The following TTC21B variants were observed in gnomAD, a reference collection of about 807,000 sequenced individuals.
TTC21B encodes the protein tetratricopeptide repeat domain 21B.
Under a neutral mutation model 175.1 loss-of-function variants are expected in TTC21B, and 127 were observed. The ratio of observed to expected loss-of-function variants is 0.73; its 90% CI spans 0.63 to 0.84. The LOEUF (loss-of-function observed/expected upper bound fraction) is 0.84. TTC21B is among the 40% of genes least tolerant of loss of function. TTC21B has a pLI of 0.00. For synonymous variants in TTC21B, 524 were observed against 524.5 expected (o/e 1.00, Z 0.01); for missense variants, 1,561 against 1,558.3 (o/e 1.00, Z -0.03).
intron 19 of TTC21B, among the ~76,000 whole-genome samples, chr2:165,904,207 C>T (rs1162866817): frequency 6.6e-6 from 1 of 151,966 alleles, no homozygotes. Context: ...TTCCTTGTAG[C>T]TTCTGGTAAC....
intron 22 of TTC21B, among the ~76,000 whole-genome samples, chr2:165,897,355 G>C (rs960031686): frequency 4.6e-5 from 7 of 152,114 alleles, no homozygotes; most frequent in African/African-American, 1.7e-4. Context: ...TGGCATTCTA[G>C]GTATACTTTG....
At chr2:165,909,055 T>G (rs1685842185) in intron 18 of TTC21B, among the ~76,000 whole-genome samples, 1 of 152,054 alleles carries the variant, frequency 6.6e-6, no homozygotes, top group Non-Finnish European at 1.5e-5. Flanking sequence ...AAAGCTACAC[T>G]AAACATGTTG....
chr2:165,942,832 T>C (rs1299717326), intron 5 of TTC21B, among the ~76,000 whole-genome samples: 1 of 152,220 alleles, frequency 6.6e-6, no homozygotes, highest in African/African-American at 2.4e-5. Flanking sequence ...TATAACTTAC[T>C]TATTTTGTTT....
chr2:165,894,155 T>C lies in TTC21B; in HGVS notation c.2951-3167A>G, dbSNP rs113007986. 9.6e-3 allele frequency among the ~76,000 whole-genome samples: 1,464 copies of C among 152,180 alleles called. 25 individuals carry two copies. The highest frequency in any genetic ancestry group is 0.033 in the African/African-American group (1,389 of 41,530). Reference sequence around the variant, plus strand: ...AGCAGTGGGTTAGGATACGACAGACTGGATGTGTTAGCTAGCTATCAAGCA... The same window carrying C: ...AGCAGTGGGTTAGGATACGACAGACCGGATGTGTTAGCTAGCTATCAAGCA... On this transcript the variant is annotated intron_variant, in intron 22 of 28. Transcript: ENST00000243344.
intron 22 of TTC21B, among the ~76,000 whole-genome samples, chr2:165,891,615 A>C (rs571523372): frequency 1.3e-4 from 18 of 133,420 alleles, no homozygotes; most frequent in Non-Finnish European, 2.6e-4. Flanking sequence ...TCATTCATTC[A>C]TTCCTTTGAT....
In TTC21B at chr2:165,873,383, T is replaced by G. The variant is rs897329282; in HGVS notation, c.*1372A>C. 2.0e-5 allele frequency: 3 copies of G among 152,216 alleles called. No homozygotes were observed. The highest frequency in any genetic ancestry group is 7.2e-5 in the African/African-American group (3 of 41,450). 9.4% of individuals were successfully genotyped at this position (152,216 alleles called of 1,614,324 possible). Reference sequence around the variant, plus strand: ...CAAATGACTTATAAATACTGTTTATTGTAAATGCAAATAAAATTGAGGACT... The same window carrying G: ...CAAATGACTTATAAATACTGTTTATGGTAAATGCAAATAAAATTGAGGACT... On this transcript the variant is annotated 3_prime_UTR_variant, in exon 29 of 29. Transcript: ENST00000243344.
intron 22 of TTC21B, among the ~76,000 whole-genome samples, chr2:165,894,328 G>C (rs1471281764): frequency 6.6e-6 from 1 of 152,088 alleles, no homozygotes. Flanking sequence ...ACTTAAATTA[G>C]GTCAAATTTG....
Position 165,883,912 on chromosome 2 carries a change from T to C in TTC21B, c.3566A>G (p.Asn1189Ser). ...QLKRIAKMNW[N>S]AIDAEEFEKS... ...CTCAAACTCTTCAGCATCAATAGCA[T>C]TCCAATTCATTTTCGCAATACGCTT... The change falls in exon 26 of 29, where the codon AAT (asparagine) becomes AGT (serine). Residue 1189 changes from asparagine to serine, a missense_variant. Coordinates refer to ENST00000243344, the MANE Select transcript of TTC21B (RefSeq NM_024753.5). 1.2e-6 allele frequency: 2 copies of C among 1,614,140 alleles called. No individual in the cohort carries two copies. Among genetic ancestry groups the C allele is most frequent in the Non-Finnish European group, 1.7e-6 (2 of 1,180,000 alleles).
Position 165,933,058 on chromosome 2 carries a change from C to G in TTC21B, c.711-1G>C. ...ATTTTGGCTATCTTGGAGCAGCAAC[C>G]TGCAGGAAAACAATTTAGTTAATGT... On this transcript the variant is annotated splice_acceptor_variant, in intron 6 of 28. Transcript: ENST00000243344. LOFTEE classifies it high-confidence loss of function. The G allele has an allele frequency of 6.2e-7, 1 of 1,611,772 alleles. No homozygotes were observed. The highest frequency in any genetic ancestry group is 2.2e-5 in the East Asian group (1 of 44,766).
intron 28 of TTC21B, among the ~76,000 whole-genome samples, chr2:165,875,853 C>G (rs1426062298): frequency 6.6e-6 from 1 of 151,286 alleles, no homozygotes; most frequent in African/African-American, 2.4e-5. Flanking sequence ...TTTACTCCAC[C>G]TCTTTAATCC....
intron 8 of TTC21B, 140 bp from the exon 9 acceptor site, chr2:165,930,504 AT>A (rs1686848739): frequency 1.4e-5 from 8 of 579,962 alleles, no homozygotes; most frequent in Non-Finnish European, 2.2e-5. Context: ...TTAAGGAAAA[AT>A]AAAACTTTCC....
chr2:165,888,240 AAAGATACCACATG>A (rs1434636064), intron 25 of TTC21B, 26 bp downstream of exon 25: 1 of 1,432,140 alleles, frequency 7.0e-7, no homozygotes, highest in East Asian at 2.3e-5. Context: ...ACTACCAAAT[AAAGATACCACATG>A]AAGCTGAAAA....
chr2:165,892,965 G>C (rs938225603), intron 22 of TTC21B, among the ~76,000 whole-genome samples: 1 of 152,096 alleles, frequency 6.6e-6, no homozygotes, highest in South Asian at 2.1e-4. Flanking sequence ...AACTAATACA[G>C]GCTGATAGTA....
chr2:165,949,055 G>C, intron 3 of TTC21B: 1 of 285,314 alleles, frequency 3.5e-6, no homozygotes, highest in East Asian at 9.1e-5. Flanking sequence ...TTGTAAACTT[G>C]GCTGCTGCAG....
intron 20 of TTC21B, among the ~76,000 whole-genome samples, chr2:165,900,567 A>G (rs1047694491): frequency 6.6e-6 from 1 of 152,148 alleles, no homozygotes; most frequent in African/African-American, 2.4e-5. Flanking sequence ...CACCAAAATT[A>G]TCTTTACATT....
At position 165,953,674 on chromosome 2, in the gene TTC21B, C is replaced by CACCCGCTCACCCGCTT; in HGVS notation, c.21+10_21+11insAAGCGGGTGAGCGGGT. ...CCGCCCGCTCACCCGCTCACCCGCT[C>CACCCGCTCACCCGCTT]ACCCGCTCACCTTCAATTCCTGCGA... On this transcript the variant is annotated intron_variant, in intron 1 of 28. Coordinates refer to ENST00000243344, the MANE Select transcript of TTC21B (RefSeq NM_024753.5). 6.5e-7 allele frequency: 1 copy of CACCCGCTCACCCGCTT among 1,547,894 alleles called. No homozygotes were observed. Among genetic ancestry groups the CACCCGCTCACCCGCTT allele is most frequent in the South Asian group, 1.2e-5 (1 of 83,982 alleles).
chr2:165,939,796 T>A (rs1468531694), intron 6 of TTC21B, among the ~76,000 whole-genome samples: 1 of 152,154 alleles, frequency 6.6e-6, no homozygotes, highest in African/African-American at 2.4e-5. Context: ...ATAATCACCC[T>A]GTCCAGCTGA....
intron 26 of TTC21B, among the ~76,000 whole-genome samples, chr2:165,883,219 T>C (rs185407724): frequency 1.3e-5 from 2 of 152,300 alleles, no homozygotes; most frequent in Admixed American, 6.5e-5. Context: ...AGAACTGTTA[T>C]AATGACATCT....
At chr2:165,885,122 C>G (rs1684960458) in intron 25 of TTC21B, among the ~76,000 whole-genome samples, 1 of 152,118 alleles carries the variant, frequency 6.6e-6, no homozygotes, top group African/African-American at 2.4e-5. Context: ...TGCACTCCAG[C>G]ATGGAAGACA....
Sources: allele counts gnomAD v4.1 joint callset (sites outside exome capture counted in the v4.1 genomes callset), GRCh38; gene constraint gnomAD v4.1.1; transcripts MANE v1.5; gene names NCBI Gene and HGNC (gene_info 2026-07-23, HGNC 2026-07-21).